Variants in ENOX1 observed in about 807,000 individuals in gnomAD.
The protein encoded by ENOX1 is candidate growth-related and time keeping constitutive hydroquinone (NADH) oxidase.
Under a neutral mutation model 82.5 loss-of-function variants are expected in ENOX1, and 42 were observed. The observed-to-expected ratio is 0.51, with a 90% CI of 0.40 to 0.66. ENOX1 has a LOEUF of 0.66. Ranked by LOEUF, ENOX1 falls within the 30% of genes least tolerant of loss-of-function variation. The pLI is 0.00. For missense variants in ENOX1, 608 were observed against 811.6 expected (o/e 0.75, Z 3.05); for synonymous variants, 271 against 282.2 (o/e 0.96, Z 0.40).
intron 14 of ENOX1, among the ~76,000 whole-genome samples, chr13:43,252,660 A>C (rs2043524812): frequency 6.6e-6 from 1 of 152,210 alleles, no homozygotes; most frequent in Admixed American, 6.5e-5. Flanking sequence ...CAGTTTGCTG[A>C]ATTTCTGACT....
rs185464590 is a variant in ENOX1 at position 43,388,773 on chromosome 13, G to A, written c.208+23143C>T. 1.1e-3 allele frequency among the ~76,000 whole-genome samples: 167 copies of A among 152,278 alleles called. 1 individual carries two copies. Among genetic ancestry groups the A allele is most frequent in the South Asian group, 2.1e-3 (10 of 4,824 alleles). On this transcript the variant is annotated intron_variant, in intron 5 of 16. Transcript: ENST00000690772. ...GAAGTGGGACTTGAGGCTGCCCTTG[G>A]AGGAGCTGGTAAAATTTTGATAGGT...
chr13:43,448,341 T>A (rs748282434), intron 3 of ENOX1, among the ~76,000 whole-genome samples: 49 of 152,240 alleles, frequency 3.2e-4, no homozygotes, highest in Non-Finnish European at 6.6e-4. Flanking sequence ...AAGCTTAGGC[T>A]TGCCAATTTA....
intron 5 of ENOX1, among the ~76,000 whole-genome samples, chr13:43,376,418 C>T (rs2051638889): frequency 6.6e-6 from 1 of 152,184 alleles, no homozygotes; most frequent in Admixed American, 6.5e-5. Context: ...TGCTATAATA[C>T]ACTCACTAAA....
chr13:43,781,845 T>C (rs954121498), intron 1 of ENOX1, among the ~76,000 whole-genome samples: 1 of 152,194 alleles, frequency 6.6e-6, no homozygotes, highest in Non-Finnish European at 1.5e-5. Context: ...TGTAGGACCT[T>C]AAACTCTATG....
chr13:43,714,528 G>A (rs299337), intron 1 of ENOX1, among the ~76,000 whole-genome samples: 139,555 of 152,134 alleles, frequency 0.92, 64,293 homozygotes, highest in East Asian at 1. Flanking sequence ...AAAGTCTCCC[G>A]TTATTATTGT....
At chr13:43,260,568 C>A (rs2043998879) in intron 14 of ENOX1, among the ~76,000 whole-genome samples, 1 of 152,148 alleles carries the variant, frequency 6.6e-6, no homozygotes, top group Admixed American at 6.5e-5. Flanking sequence ...TACAGTTCTC[C>A]CTCCTCATCC....
At chr13:43,322,234 G>C (rs1275429897) in intron 11 of ENOX1, 150 bp downstream of exon 11, 1 of 575,032 alleles carries the variant, frequency 1.7e-6, no homozygotes, top group Non-Finnish European at 3.1e-6. Flanking sequence ...GGAGTTTAAA[G>C]TTCTATTAAT....
intron 2 of ENOX1, among the ~76,000 whole-genome samples, chr13:43,542,740 T>C (rs1031133314): frequency 6.6e-6 from 1 of 152,184 alleles, no homozygotes; most frequent in Non-Finnish European, 1.5e-5. Context: ...CAGCCATAAG[T>C]GTCATCATTC....
chr13:43,270,849 A>T (rs2153482351), intron 12 of ENOX1, among the ~76,000 whole-genome samples: 1 of 152,334 alleles, frequency 6.6e-6, no homozygotes, highest in Non-Finnish European at 1.5e-5. Flanking sequence ...ATCACATGTG[A>T]GGTAATGTAC....
At chr13:43,405,106 G>A (rs2053716974) in intron 5 of ENOX1, among the ~76,000 whole-genome samples, 1 of 152,094 alleles carries the variant, frequency 6.6e-6, no homozygotes. Flanking sequence ...ATGTGGGGTG[G>A]TTTATCAACA....
At chr13:43,486,007 G>A (rs2076400823) in intron 2 of ENOX1, among the ~76,000 whole-genome samples, 1 of 152,158 alleles carries the variant, frequency 6.6e-6, no homozygotes, top group African/African-American at 2.4e-5. Context: ...TCAGGAGATG[G>A]AGGCCATCCT....
At chr13:43,441,867 T>C (rs972782233) in intron 3 of ENOX1, among the ~76,000 whole-genome samples, 2 of 152,010 alleles carry the variant, frequency 1.3e-5, no homozygotes, top group African/African-American at 4.8e-5. Flanking sequence ...ATTAGAAATG[T>C]TTTTAAAGGT....
chr13:43,273,427 C>G (rs1305751978), intron 12 of ENOX1, among the ~76,000 whole-genome samples: 2 of 152,146 alleles, frequency 1.3e-5, no homozygotes, highest in Non-Finnish European at 2.9e-5. Flanking sequence ...TAGATAAAAT[C>G]TAAACCACTA....
intron 3 of ENOX1, among the ~76,000 whole-genome samples, chr13:43,438,357 A>G (rs1250291541): frequency 6.6e-6 from 1 of 152,108 alleles, no homozygotes; most frequent in Non-Finnish European, 1.5e-5. Context: ...GAAGAGAGGG[A>G]ACAGATTTAA....
chr13:43,463,303 T>C (rs2057573288), intron 3 of ENOX1, among the ~76,000 whole-genome samples: 1 of 152,214 alleles, frequency 6.6e-6, no homozygotes, highest in South Asian at 2.1e-4. Flanking sequence ...TTACTAGGCA[T>C]GACAGCCACT....
chr13:43,748,750 T>C (rs1185060418), intron 1 of ENOX1, among the ~76,000 whole-genome samples: 2 of 152,216 alleles, frequency 1.3e-5, no homozygotes, highest in African/African-American at 4.8e-5. Flanking sequence ...ACATAATAAG[T>C]ACTAAATAAC....
intron 2 of ENOX1, among the ~76,000 whole-genome samples, chr13:43,628,510 G>C (rs950954601): frequency 4.6e-5 from 7 of 152,082 alleles, no homozygotes; most frequent in African/African-American, 1.4e-4. Flanking sequence ...TTCTATTTTT[G>C]CATTTATTTC....
At chr13:43,756,461 AGGAGG>A (rs1198267415) in intron 1 of ENOX1, among the ~76,000 whole-genome samples, 119 of 86,438 alleles carry the variant, frequency 1.4e-3, no homozygotes, top group Middle Eastern at 0.014. Flanking sequence ...AGGAGGGGTG[AGGAGG>A]GGAGGGGAGG....
chr13:43,381,856 A>C (rs1256460486), intron 5 of ENOX1, among the ~76,000 whole-genome samples: 1 of 151,998 alleles, frequency 6.6e-6, no homozygotes, highest in Non-Finnish European at 1.5e-5. Flanking sequence ...AAAGAAGTAG[A>C]CTTTGTAGTT....
Sources: gnomAD v4.1 joint callset for allele counts (sites outside exome capture counted in the v4.1 genomes callset) on GRCh38, gnomAD v4.1.1 for gene constraint, MANE v1.5 for transcripts, NCBI Gene and HGNC (gene_info 2026-07-23, HGNC 2026-07-21) for gene names.